HMGB1: variants seen among roughly 807,000 people sequenced by gnomAD.
HMGB1 encodes the protein high mobility group protein B1.
For synonymous variants in HMGB1, 81 were observed against 84.0 expected (o/e 0.96, Z 0.19); for missense variants, 79 against 253.5 (o/e 0.31, Z 4.67).
At chr13:30,501,140 A>T (rs895198885) in intron 1 of HMGB1, among the ~76,000 whole-genome samples, 8 of 152,318 alleles carry the variant, frequency 5.3e-5, no homozygotes, top group Admixed American at 2.6e-4. Context: ...TAATAAATGA[A>T]TTGGATACCC....
At position 30,518,352 on chromosome 13, in the gene HMGB1, C is replaced by T. The variant is rs186493903; in HGVS notation, c.-14-54658G>A. Among the ~76,000 whole-genome samples the T allele has an allele frequency of 6.4e-4, 98 of 152,218 alleles. No homozygotes were observed. The Middle Eastern group carries it at 0.014, about 21-fold the overall frequency. On this transcript the variant is annotated intron_variant, in intron 1 of 4. Coordinates refer to the HMGB1 transcript ENST00000405805. ...TGTCTGAAACAAGCAAAACAAAACA[C>T]TTCTATATCCAGCTGTCTTTTCCTA...
intron 1 of HMGB1, among the ~76,000 whole-genome samples, chr13:30,526,554 C>T (rs1195188548): frequency 6.6e-6 from 1 of 152,172 alleles, no homozygotes; most frequent in Admixed American, 6.5e-5. Context: ...GATCTGCAAC[C>T]TCACCAGATA....
rs1231331719 is a variant in HMGB1, at chr13:30,459,734, A to G, written c.*1623T>C. On this transcript the variant is annotated 3_prime_UTR_variant, in exon 5 of 5. Transcript: ENST00000341423. ...AAAGTGAGTATTTTTAAAGGGAAAA[A>G]CTTTGCCATCCCTTATACTTATTTA... 6.6e-6 allele frequency: 1 copy of G among 152,096 alleles called. No individual in the cohort carries two copies. Among genetic ancestry groups the G allele is most frequent in the Non-Finnish European group, 1.5e-5 (1 of 67,984 alleles). The allele number at this position is 152,096 out of a possible 1,614,324, so 9.4% of individuals were successfully genotyped here.
chr13:30,606,928 C>T (rs562641681), intron 1 of HMGB1, among the ~76,000 whole-genome samples: 5 of 152,354 alleles, frequency 3.3e-5, no homozygotes, highest in African/African-American at 1.2e-4. Context: ...ATTCAATGAA[C>T]ATTTCAAGTT....
At chr13:30,477,639 C>T (rs2137427698) in intron 1 of HMGB1, among the ~76,000 whole-genome samples, 1 of 152,302 alleles carries the variant, frequency 6.6e-6, no homozygotes, top group South Asian at 2.1e-4. Context: ...CCAGAGAATG[C>T]CAGGAAATGC....
At chr13:30,506,066 G>A (rs906544911) in intron 1 of HMGB1, among the ~76,000 whole-genome samples, 19 of 152,264 alleles carry the variant, frequency 1.2e-4, no homozygotes, top group Non-Finnish European at 1.0e-4. Flanking sequence ...AGTCCCCACA[G>A]AAAGACTAAA....
intron 1 of HMGB1, among the ~76,000 whole-genome samples, chr13:30,560,804 T>C (rs1374052918): frequency 6.6e-6 from 1 of 152,148 alleles, no homozygotes; most frequent in East Asian, 1.9e-4. Flanking sequence ...TCTTTTTCCA[T>C]GAAGGAGATG....
At chr13:30,563,567 G>A (rs1048318211) in intron 1 of HMGB1, among the ~76,000 whole-genome samples, 2 of 152,148 alleles carry the variant, frequency 1.3e-5, no homozygotes, top group Admixed American at 6.6e-5. Flanking sequence ...CTGTGACTGT[G>A]CCACTGCACT....
intron 1 of HMGB1, among the ~76,000 whole-genome samples, chr13:30,593,837 A>C (rs915651599): frequency 6.6e-6 from 1 of 152,242 alleles, no homozygotes; most frequent in Non-Finnish European, 1.5e-5. Flanking sequence ...TCTTCCAAAA[A>C]TATCAATGCC....
intron 1 of HMGB1, among the ~76,000 whole-genome samples, chr13:30,523,710 T>A (rs887533093): frequency 6.6e-6 from 1 of 151,656 alleles, no homozygotes; most frequent in Admixed American, 6.6e-5. Context: ...TACCATCTGG[T>A]GCTTCATTTG....
chr13:30,494,723 T>C (rs544898039), intron 1 of HMGB1, among the ~76,000 whole-genome samples: 2 of 152,246 alleles, frequency 1.3e-5, no homozygotes, highest in Non-Finnish European at 2.9e-5. Context: ...GTGCAACCAA[T>C]AGTACCATCC....
chr13:30,514,885 T>C (rs957262545), intron 1 of HMGB1, among the ~76,000 whole-genome samples: 6 of 152,204 alleles, frequency 3.9e-5, no homozygotes, highest in Non-Finnish European at 5.9e-5. Context: ...TGATCCTCGA[T>C]GACCTCCCCT....
At chr13:30,512,341 A>T (rs1355574193) in intron 1 of HMGB1, among the ~76,000 whole-genome samples, 1 of 152,174 alleles carries the variant, frequency 6.6e-6, no homozygotes, top group African/African-American at 2.4e-5. Context: ...GAGGAGTGTG[A>T]CTAGAAGGGT....
chr13:30,541,048 A>G (rs73454373), intron 1 of HMGB1: 41,053 of 152,024 alleles, frequency 0.27, 7,743 homozygotes, highest in African/African-American at 0.54. Context: ...GGATCAAAAA[A>G]TATGTTCATC....
At chr13:30,614,272 A>G (rs1948735976) in intron 1 of HMGB1, among the ~76,000 whole-genome samples, 1 of 152,242 alleles carries the variant, frequency 6.6e-6, no homozygotes. Context: ...ACAAGTTTAG[A>G]TCAGCAAGAC....
At chr13:30,484,732 A>G (rs985139072) in intron 1 of HMGB1, among the ~76,000 whole-genome samples, 1 of 151,860 alleles carries the variant, frequency 6.6e-6, no homozygotes, top group African/African-American at 2.4e-5. Context: ...AGAGAGAGAG[A>G]GAAAAGAAGG....
At chr13:30,511,679 T>A (rs2137464131) in intron 1 of HMGB1, among the ~76,000 whole-genome samples, 1 of 152,306 alleles carries the variant, frequency 6.6e-6, no homozygotes, top group Admixed American at 6.5e-5. Flanking sequence ...TTTGGCACCA[T>A]CTTAGGCTGG....
At chr13:30,474,780 T>TTTGC (rs1887029737) in intron 1 of HMGB1, among the ~76,000 whole-genome samples, 1 of 145,318 alleles carries the variant, frequency 6.9e-6, no homozygotes, top group African/African-American at 2.6e-5. Context: ...TTTTTTTTTT[T>TTTGC]GAGATGGTTT....
upstream of HMGB1, among the ~76,000 whole-genome samples, chr13:30,470,488 TG>T (rs1886894491): frequency 6.6e-6 from 1 of 152,166 alleles, no homozygotes; most frequent in Admixed American, 6.5e-5. Flanking sequence ...GGATCTCAAA[TG>T]TAGAGAAACA....
Sources: allele counts gnomAD v4.1 joint callset (sites outside exome capture counted in the v4.1 genomes callset), GRCh38; gene constraint gnomAD v4.1.1; transcripts MANE v1.5; gene names NCBI Gene and HGNC (gene_info 2026-07-23, HGNC 2026-07-21).